The following JPH3 variants were observed in gnomAD, a reference collection of about 807,000 sequenced individuals.
The protein encoded by JPH3 is junctophilin-3.
JPH3 carries 11 observed loss-of-function variants against 59.6 expected under a neutral mutation model. The observed-to-expected ratio is 0.18, with a 90% CI of 0.12 to 0.31. JPH3 has a LOEUF of 0.31. Among genes scored for constraint, JPH3 ranks in the 10% least tolerant of loss-of-function variants. The pLI, the probability that JPH3 is intolerant of heterozygous loss-of-function variation, is 1.00. For missense variants in JPH3, 1,202 were observed against 1,105.7 expected (o/e 1.09, Z -1.24); for synonymous variants, 673 against 483.6 (o/e 1.39, Z -5.14).
At chr16:87,684,107 C>T (rs752833221) in intron 2 of JPH3, 35 bp from the exon 3 acceptor site, 10 of 1,567,042 alleles carry the variant, frequency 6.4e-6, no homozygotes, top group Non-Finnish European at 8.8e-6. Flanking sequence ...CCTGTGCCCC[C>T]TGCCCCCCCT....
chr16:87,629,106 C>A (rs916883463), intron 1 of JPH3, among the ~76,000 whole-genome samples: 2 of 152,040 alleles, frequency 1.3e-5, no homozygotes, highest in African/African-American at 4.8e-5. Flanking sequence ...TGCTGTGTGG[C>A]CTTGGGCAAG....
Position 87,690,292 on chromosome 16 carries a change from C to T in JPH3, c.1932C>T (p.Arg644=). The T allele has an allele frequency of 1.3e-6, 2 of 1,598,208 alleles. No homozygotes were observed. The highest frequency in any genetic ancestry group is 8.5e-7 in the Non-Finnish European group (1 of 1,172,868). The change falls in exon 4 of 5, where the codon CGC becomes CGT. Residue 644 remains arginine (R), a synonymous_variant. Transcript: ENST00000284262. Reference sequence around the variant, plus strand: ...GCCGGGGCTTGGGGGACGACCACCGCCCCGAGGACCGGGGCTTCGGGGTGC... The same window carrying T: ...GCCGGGGCTTGGGGGACGACCACCGTCCCGAGGACCGGGGCTTCGGGGTGC... ...GACRGLGDDH[R]PEDRGFGVQR... is the part of the protein sequence containing the mutation.
At chr16:87,660,458 T>A (rs1392372059) in intron 2 of JPH3, among the ~76,000 whole-genome samples, 1 of 152,110 alleles carries the variant, frequency 6.6e-6, no homozygotes. Context: ...GCCAAGCTAA[T>A]TCGGTTCCGT....
chr16:87,671,501 A>G (rs1246262467), intron 2 of JPH3, among the ~76,000 whole-genome samples: 8 of 152,122 alleles, frequency 5.3e-5, no homozygotes, highest in Non-Finnish European at 1.0e-4. Flanking sequence ...CCTATCCACC[A>G]TGGTTGGGCA....
chr16:87,688,634 C>T (rs1192438649), intron 3 of JPH3, among the ~76,000 whole-genome samples: 6 of 152,070 alleles, frequency 3.9e-5, no homozygotes, highest in Non-Finnish European at 7.4e-5. Flanking sequence ...CTGAGACCTC[C>T]GTCCTCAGAG....
intron 2 of JPH3, among the ~76,000 whole-genome samples, chr16:87,668,445 C>A (rs141476473): frequency 7.9e-4 from 120 of 152,286 alleles, no homozygotes; most frequent in Middle Eastern, 3.4e-3. Context: ...GAGTCAGTTC[C>A]CTTCACTGAG....
chr16:87,602,949 A>G lies in JPH3; in HGVS notation c.-198A>G. On this transcript the variant is annotated 5_prime_UTR_variant, in exon 1 of 5. Transcript: ENST00000284262. ...GCTCCGCGGCGCAGCTCGAAAAGGA[A>G]TAATCGCCCCCGATTGACTGAAATT... is the stretch of plus-strand genomic sequence containing the variant. 1.8e-6 allele frequency: 1 copy of G among 547,726 alleles called. No individual in the cohort carries two copies. The highest frequency in any genetic ancestry group is 3.1e-6 in the Non-Finnish European group (1 of 319,118). The allele number at this position is 547,726 out of a possible 1,614,324, so 33.9% of individuals were successfully genotyped here. A position where few individuals can be genotyped will look rare whatever the true frequency, so the allele number is the denominator to read the frequency against.
Position 87,603,028 on chromosome 16 carries a change from C to A in JPH3, c.-119C>A. 7.5e-7 allele frequency: 1 copy of A among 1,324,566 alleles called. No homozygotes were observed. Among genetic ancestry groups the A allele is most frequent in the Non-Finnish European group, 1.0e-6 (1 of 975,102 alleles). The allele number at this position is 1,324,566 out of a possible 1,614,324, so 82.1% of individuals were successfully genotyped here. ...CGCCCGAGACCGCGCTCCGGGGCCG[C>A]GTCCTCCTCTCCTCCGGAAAACGCT... On this transcript the variant is annotated 5_prime_UTR_variant, in exon 1 of 5. Coordinates refer to ENST00000284262, the MANE Select transcript of JPH3 (RefSeq NM_020655.4).
intron 1 of JPH3, among the ~76,000 whole-genome samples, chr16:87,636,689 G>C (rs1269672041): frequency 6.6e-6 from 1 of 152,194 alleles, no homozygotes; most frequent in African/African-American, 2.4e-5. Flanking sequence ...TATAAAATCA[G>C]AGCTATGTTC....
intron 2 of JPH3, among the ~76,000 whole-genome samples, chr16:87,645,265 G>A (rs1243528342): frequency 2.6e-5 from 4 of 152,216 alleles, no homozygotes; most frequent in South Asian, 2.1e-4. Flanking sequence ...GGGGTGTAGA[G>A]GCCTACAGCC....
In JPH3 at chr16:87,603,343, C is replaced by G; in HGVS notation, c.197C>G (p.Ala66Gly). The change falls in exon 1 of 5, where the codon GCG becomes GGG. Residue 66 changes from alanine (A) to glycine (G), a missense_variant. By Grantham distance (60) the Ala-to-Gly change is moderately conservative. Transcript: ENST00000284262. ...GGCAACACGTACCAGGGCACCTGGG[C>G]GCAGGGCAAGCGCCACGGCATCGGC... ...PSGNTYQGTWAQGKRHGIGLE... is the reference protein window; with the variant it reads ...PSGNTYQGTWGQGKRHGIGLE... 1 of 1,612,886 alleles carries G rather than the reference C, an allele frequency of 6.2e-7. No individual in the cohort carries two copies. The highest frequency in any genetic ancestry group is 8.5e-7 in the Non-Finnish European group (1 of 1,179,600).
At chr16:87,674,797 G>C (rs1351919385) in intron 2 of JPH3, among the ~76,000 whole-genome samples, 4 of 152,108 alleles carry the variant, frequency 2.6e-5, no homozygotes, top group African/African-American at 9.7e-5. Flanking sequence ...GTCTTGCTCT[G>C]TCGCCCAGGC....
chr16:87,656,057 C>T (rs1358211818), intron 2 of JPH3, among the ~76,000 whole-genome samples: 3 of 152,232 alleles, frequency 2.0e-5, no homozygotes, highest in Non-Finnish European at 4.4e-5. Context: ...GCAAGCTGCA[C>T]CCCTTGAAAG....
chr16:87,629,087 A>G (rs2150834063), intron 1 of JPH3, among the ~76,000 whole-genome samples: 1 of 151,410 alleles, frequency 6.6e-6, no homozygotes, highest in South Asian at 2.1e-4. Context: ...CCAGGTCTCC[A>G]CCTCTTGTTG....
intron 2 of JPH3, among the ~76,000 whole-genome samples, chr16:87,659,764 T>G: frequency 6.6e-6 from 1 of 152,152 alleles, no homozygotes; most frequent in Non-Finnish European, 1.5e-5. Context: ...TAACCATTTT[T>G]AAGTGTACCG....
chr16:87,641,157 A>T (rs2031937604), intron 1 of JPH3, among the ~76,000 whole-genome samples: 1 of 152,168 alleles, frequency 6.6e-6, no homozygotes, highest in African/African-American at 2.4e-5. Flanking sequence ...CAAGAGGCTG[A>T]GGCTGACACT....
rs375201712 is a variant in JPH3, at chr16:87,644,969, G to T, written c.1094G>T (p.Arg365Leu). 4 of 1,610,572 alleles carry T rather than the reference G, an allele frequency of 2.5e-6. No homozygotes were observed. The highest frequency in any genetic ancestry group is 3.4e-6 in the Non-Finnish European group (4 of 1,179,842). ...RASKIREKVD[R>L]AVEAAERAAT... is the part of the protein sequence containing the mutation. ...AGCAAGATCCGCGAGAAGGTGGACC[G>T]CGCCGTTGAGGCCGCTGAGCGGGCC... is the stretch of plus-strand genomic sequence containing the variant. The change falls in exon 2 of 5, where the codon CGC becomes CTC. Residue 365 changes from arginine (R) to leucine (L), a missense_variant. By Grantham distance (102) the Arg-to-Leu change is moderately radical. Transcript: ENST00000284262.
chr16:87,693,486 C>T (rs900067676), intron 4 of JPH3: 3 of 152,284 alleles, frequency 2.0e-5, no homozygotes, highest in Non-Finnish European at 2.9e-5. Flanking sequence ...CCAGCCTGGC[C>T]ACCAGGGTGA....
intron 2 of JPH3, among the ~76,000 whole-genome samples, chr16:87,647,966 C>T (rs1295405229): frequency 6.6e-6 from 1 of 152,204 alleles, no homozygotes; most frequent in African/African-American, 2.4e-5. Flanking sequence ...CCTCTCTGGG[C>T]TGGGTTCCCT....
Sources: allele counts gnomAD v4.1 joint callset (sites outside exome capture counted in the v4.1 genomes callset), GRCh38; gene constraint gnomAD v4.1.1; transcripts MANE v1.5; gene names NCBI Gene and HGNC (gene_info 2026-07-23, HGNC 2026-07-21).